Variants in NAV3 observed in about 807,000 individuals in gnomAD.
NAV3 encodes the protein pore membrane and/or filament interacting like protein 1.
A neutral mutation model predicts 244.7 loss-of-function variants in NAV3; 87 were observed. The ratio of observed to expected loss-of-function variants is 0.36; its 90% CI spans 0.30 to 0.42. NAV3 has a LOEUF of 0.42. Ranked by LOEUF, NAV3 falls within the 20% of genes least tolerant of loss-of-function variation. The pLI, the probability that NAV3 is intolerant of heterozygous loss-of-function variation, is 1.00. For synonymous variants in NAV3, 1,126 were observed against 1,042.2 expected (o/e 1.08, Z -1.55); for missense variants, 2,663 against 2,893.3 (o/e 0.92, Z 1.83).
At chr12:78,117,026 G>A in intron 13 of NAV3, 122 bp downstream of exon 13, 1 of 1,181,876 alleles carries the variant, frequency 8.5e-7, no homozygotes, top group Non-Finnish European at 1.2e-6. Context: ...ACTGGAAAAT[G>A]CAGAGATAAT....
In NAV3 at chr12:77,902,981, A is replaced by G. The variant is rs570455056; in HGVS notation, c.244-37338A>G. On this transcript the variant is annotated intron_variant, in intron 1 of 39. Transcript: ENST00000397909. ...AAGGAGAACTATAAACCACTGCCCA[A>G]TGAAATAAAAGAGGATACAAACAAA... is the stretch of plus-strand genomic sequence containing the variant. Among the ~76,000 whole-genome samples, 168 of 152,338 alleles carry G rather than the reference A, an allele frequency of 1.1e-3. 2 individuals are homozygous for G. Among genetic ancestry groups the G allele is most frequent in the Non-Finnish European group, 1.2e-3 (81 of 68,040 alleles).
chr12:77,893,084 G>A (rs141252675), intron 1 of NAV3, among the ~76,000 whole-genome samples: 151 of 152,222 alleles, frequency 9.9e-4, no homozygotes, highest in African/African-American at 3.5e-3. Flanking sequence ...TTAGTTATAA[G>A]AATTTCCTCT....
chr12:77,989,495 G>T (rs1023328635), intron 5 of NAV3, among the ~76,000 whole-genome samples: 5 of 152,076 alleles, frequency 3.3e-5, no homozygotes, highest in South Asian at 2.1e-4. Context: ...AAATAAATTG[G>T]TCTTCCAAGG....
chr12:77,940,341 A>C lies in NAV3; in HGVS notation c.266A>C (p.His89Pro). 1 of 1,613,826 alleles carries C rather than the reference A, an allele frequency of 6.2e-7. No homozygotes were observed. The highest frequency in any genetic ancestry group is 8.5e-7 in the Non-Finnish European group (1 of 1,179,802). Residue 89 changes from histidine to proline, a missense_variant, in exon 2 of 40, where the codon CAC (histidine) becomes CCC (proline). Physicochemically the swap from His to Pro is moderately conservative, Grantham distance 77. Around this residue, in one of 6 missense-constraint regions of NAV3, gnomAD observed 1,521 missense variants for 1,497.0 expected, o/e 1.02. Transcript: ENST00000397909. ...CAGATTTACACTGACTGGGCCAACC[A>C]CTACCTAGCAAAATCAGGCCACAAG... ...DSKIYTDWAN[H>P]YLAKSGHKRL...
chr12:77,742,833 G>A (rs1361024313), intron 2 of NAV3, among the ~76,000 whole-genome samples: 2 of 151,878 alleles, frequency 1.3e-5, no homozygotes, highest in African/African-American at 2.4e-5. Flanking sequence ...AAAACATCAC[G>A]TGACCCTGAG....
intron 2 of NAV3, among the ~76,000 whole-genome samples, chr12:77,708,780 C>A (rs1020589840): frequency 2.0e-5 from 3 of 152,068 alleles, no homozygotes; most frequent in Non-Finnish European, 4.4e-5. Flanking sequence ...CTTCACATCC[C>A]TTGTAAGTTG....
At chr12:78,176,830 G>A (rs554992985) in intron 26 of NAV3, among the ~76,000 whole-genome samples, 2 of 152,204 alleles carry the variant, frequency 1.3e-5, no homozygotes, top group East Asian at 3.9e-4. Flanking sequence ...CTTGAAGAGA[G>A]AAGCATTGGG....
intron 1 of NAV3, among the ~76,000 whole-genome samples, chr12:77,876,172 T>A (rs1390185601): frequency 1.3e-5 from 2 of 152,202 alleles, no homozygotes; most frequent in East Asian, 1.9e-4. Context: ...TCGTTTTGGA[T>A]ATGAAATTTA....
chr12:77,641,061 G>A (rs138640867), intron 2 of NAV3, among the ~76,000 whole-genome samples: 122 of 152,276 alleles, frequency 8.0e-4, no homozygotes, highest in African/African-American at 2.7e-3. Context: ...TGGGGAGTAG[G>A]ATGTGATTGC....
At chr12:78,107,608 G>T (rs1267235947) in intron 12 of NAV3, among the ~76,000 whole-genome samples, 1 of 147,196 alleles carries the variant, frequency 6.8e-6, no homozygotes, top group Non-Finnish European at 1.5e-5. Flanking sequence ...AGTGCTTAAA[G>T]AAAAAAAAAA....
chr12:77,809,820 T>C (rs1872192032), intron 2 of NAV3, among the ~76,000 whole-genome samples: 1 of 152,244 alleles, frequency 6.6e-6, no homozygotes, highest in Non-Finnish European at 1.5e-5. Context: ...AAACCACTGT[T>C]GTATGGCTTT....
At chr12:78,046,377 A>G (rs1881794557) in intron 9 of NAV3, among the ~76,000 whole-genome samples, 1 of 152,178 alleles carries the variant, frequency 6.6e-6, no homozygotes, top group South Asian at 2.1e-4. Context: ...TAGTGCTATG[A>G]ATTTCCCTCT....
intron 12 of NAV3, among the ~76,000 whole-genome samples, chr12:78,066,863 T>G (rs989008591): frequency 2.0e-5 from 3 of 152,124 alleles, no homozygotes. Flanking sequence ...GTTGCCATTG[T>G]AACTCATCAT....
At chr12:77,837,659 A>T (rs1825510982) in intron 1 of NAV3, among the ~76,000 whole-genome samples, 1 of 152,186 alleles carries the variant, frequency 6.6e-6, no homozygotes, top group Non-Finnish European at 1.5e-5. Context: ...TAACCAAGAA[A>T]CTACACTGCA....
chr12:78,186,151 T>C (rs1435543534), intron 31 of NAV3, among the ~76,000 whole-genome samples: 3 of 151,832 alleles, frequency 2.0e-5, no homozygotes, highest in Non-Finnish European at 4.4e-5. Flanking sequence ...ACAAATTCCA[T>C]TGATGTTACT....
At chr12:78,153,794 A>G (rs1957167270) in intron 22 of NAV3, among the ~76,000 whole-genome samples, 1 of 151,952 alleles carries the variant, frequency 6.6e-6, no homozygotes, top group Admixed American at 6.6e-5. Context: ...TTCTTTGCTT[A>G]TTTAATATTT....
chr12:77,852,176 C>T lies in NAV3; in HGVS notation c.243+20472C>T, dbSNP rs146484385. 4.4e-3 allele frequency among the ~76,000 whole-genome samples: 676 copies of T among 152,302 alleles called. 6 individuals are homozygous for T. The highest frequency in any genetic ancestry group is 0.02 in the Middle Eastern group (6 of 294). ...AGAGTAGGGATAGATGTGGCCTGCT[C>T]ATTATAAAGTTCACGTGTGGTAATG... On this transcript the variant is annotated intron_variant, in intron 1 of 39. Coordinates refer to ENST00000397909, the MANE Select transcript of NAV3 (RefSeq NM_001024383.2).
chr12:77,984,272 A>G (rs1243600632), intron 5 of NAV3, among the ~76,000 whole-genome samples: 2 of 152,222 alleles, frequency 1.3e-5, no homozygotes, highest in Non-Finnish European at 2.9e-5. Flanking sequence ...ACCAAGAGCC[A>G]CAGTTAAAAG....
chr12:78,088,696 CT>C (rs1328110066), intron 12 of NAV3: 2 of 152,144 alleles, frequency 1.3e-5, no homozygotes, highest in Non-Finnish European at 2.9e-5. Context: ...CTCTCTAAGT[CT>C]TGCCTATCTT....
Sources: gnomAD v4.1 joint callset for allele counts (sites outside exome capture counted in the v4.1 genomes callset) on GRCh38, gnomAD v4.1.1 for gene constraint, gnomAD v4.1.1 regional missense constraint, MANE v1.5 for transcripts, NCBI Gene and HGNC (gene_info 2026-07-23, HGNC 2026-07-21) for gene names.